EBNA1BP2: variants seen among roughly 807,000 people sequenced by gnomAD.
EBNA1BP2 encodes EBNA1 binding protein 2, also known as probable rRNA-processing protein EBP2.
A neutral mutation model predicts 43.5 loss-of-function variants in EBNA1BP2; 36 were observed. The ratio of observed to expected loss-of-function variants is 0.83; its 90% CI spans 0.63 to 1.09. EBNA1BP2 has a LOEUF of 1.09. Ranked by LOEUF, EBNA1BP2 falls within the 50% of genes least tolerant of loss-of-function variation. EBNA1BP2 has a pLI of 0.00. For synonymous variants in EBNA1BP2, 127 were observed against 141.3 expected (o/e 0.90, Z 0.72); for missense variants, 332 against 379.1 (o/e 0.88, Z 1.03).
intron 7 of EBNA1BP2, 140 bp downstream of exon 7, chr1:43,166,686 G>C (rs1644920455): frequency 5.0e-6 from 4 of 796,262 alleles, no homozygotes; most frequent in Non-Finnish European, 4.0e-6. Context: ...CACAGTCATA[G>C]GGGTCCTGGC....
chr1:43,170,532 C>T (rs180729569), intron 4 of EBNA1BP2, among the ~76,000 whole-genome samples: 1 of 151,500 alleles, frequency 6.6e-6, no homozygotes, highest in African/African-American at 2.4e-5. Context: ...TCACACAGCA[C>T]TGTTCCTCTC....
At chr1:43,165,523 T>C (rs114340870) in intron 7 of EBNA1BP2, among the ~76,000 whole-genome samples, 10 of 152,348 alleles carry the variant, frequency 6.6e-5, no homozygotes, top group Middle Eastern at 3.4e-3. Context: ...AATCCTTATC[T>C]CGACTTTTGC....
intron 4 of EBNA1BP2, among the ~76,000 whole-genome samples, chr1:43,170,086 C>T (rs76642299): frequency 0.011 from 1,689 of 152,258 alleles, 27 homozygotes; most frequent in African/African-American, 0.039. Flanking sequence ...CTTATAATAC[C>T]GAATACAATG....
At chr1:43,166,567 C>T (rs113641918) in intron 7 of EBNA1BP2, among the ~76,000 whole-genome samples, 3,555 of 152,162 alleles carry the variant, frequency 0.023, 100 homozygotes, top group African/African-American at 0.066. Flanking sequence ...AAGACTGTAC[C>T]AGTGCACTGT....
At chr1:43,172,364 G>T (rs367612637), upstream of EBNA1BP2, 3 of 1,551,478 alleles carry the variant, frequency 1.9e-6, no homozygotes, top group Non-Finnish European at 1.7e-6. Context: ...GAACCGCTAC[G>T]GCGTTTGAAA....
Position 43,164,495 on chromosome 1 carries a change from T to G in EBNA1BP2, c.871-2A>C, listed in dbSNP as rs747263444. On this transcript the variant is annotated splice_acceptor_variant, in intron 8 of 8. Transcript: ENST00000236051. LOFTEE classifies it high-confidence loss of function. Reference sequence around the variant, plus strand: ...TCTTGTTCGTTTTCCAGGTCTCTTCTACAGAAAAAGACATACCACATCTGG... The same window carrying G: ...TCTTGTTCGTTTTCCAGGTCTCTTCGACAGAAAAAGACATACCACATCTGG... 2.5e-6 allele frequency: 4 copies of G among 1,614,046 alleles called. No homozygotes were observed. The African/African-American group carries it at 5.3e-5, about 22-fold the overall frequency.
chr1:43,167,328 T>C lies in EBNA1BP2; in HGVS notation c.538-93A>G, dbSNP rs890867450. ...ATAGCAACACCATGATTAATACCAC[T>C]ACCCTCTGACATTTACTACGTGCCA... On this transcript the variant is annotated intron_variant, in intron 5 of 8. Transcript: ENST00000236051. 8 of 1,176,660 alleles carry C rather than the reference T, an allele frequency of 6.8e-6. No homozygotes were observed. In the African/African-American group the frequency reaches 1.1e-4, roughly 15 times the overall value. 72.9% of individuals were successfully genotyped at this position (1,176,660 alleles called of 1,614,324 possible).
intron 2 of EBNA1BP2, 87 bp downstream of exon 2, chr1:43,171,799 C>T: frequency 6.3e-7 from 1 of 1,579,576 alleles, no homozygotes; most frequent in Non-Finnish European, 8.6e-7. Flanking sequence ...GTGCATCTTT[C>T]CTGGGACAAG....
At position 43,171,504 on chromosome 1, in the gene EBNA1BP2, C is replaced by A. The variant is rs765807678; in HGVS notation, c.298G>T (p.Asp100Tyr). The A allele has an allele frequency of 6.2e-7, 1 of 1,610,418 alleles. No individual in the cohort carries two copies. Among genetic ancestry groups the A allele is most frequent in the Non-Finnish European group, 8.5e-7 (1 of 1,178,864 alleles). ...AAACTCATCTCTCGCTGGAAGTCGTCTTCTGGATCAACAGCTTTCTGGTCC... is the reference window on the plus strand; with the variant it reads ...AAACTCATCTCTCGCTGGAAGTCGTATTCTGGATCAACAGCTTTCTGGTCC... The part of the protein sequence containing the change: ...NKDQKAVDPE[D>Y]DFQREMSFYR... The change falls in exon 3 of 9, where the codon GAC becomes TAC. Residue 100 changes from aspartate to tyrosine, a missense_variant. Transcript: ENST00000236051.
rs1644936830 is a variant in EBNA1BP2 at position 43,169,125 on chromosome 1, A to C, written c.448-97T>G. On this transcript the variant is annotated intron_variant, in intron 4 of 8. Transcript: ENST00000236051. ...AGGGAACAGATATTCCCTGTTCTTT[A>C]AACTGCGGAACTTATAAATCATCAG... 4 of 1,268,676 alleles carry C rather than the reference A, an allele frequency of 3.2e-6. No homozygotes were observed. In the South Asian group the frequency reaches 3.6e-5, roughly 11 times the overall value. The allele number at this position is 1,268,676 out of a possible 1,614,324, so 78.6% of individuals were successfully genotyped here.
chr1:43,164,713 T>A lies in EBNA1BP2; in HGVS notation c.800A>T (p.Asp267Val). 2 of 1,614,206 alleles carry A rather than the reference T, an allele frequency of 1.2e-6. No individual in the cohort carries two copies. The highest frequency in any genetic ancestry group is 1.7e-6 in the Non-Finnish European group (2 of 1,180,030). ...TGTCTTGGCCCGGAAGCTAGATACA[T>A]CATCATAGCTCTCCCGAGTGTTCCA... ...SKWNTRESYD[D>V]VSSFRAKTAH... The change falls in exon 8 of 9, where the codon GAT (aspartate) becomes GTT (valine). Residue 267 changes from aspartate to valine, a missense_variant. By Grantham distance (152) the Asp-to-Val change is radical (BLOSUM62 -3). Coordinates refer to ENST00000236051, the MANE Select transcript of EBNA1BP2 (RefSeq NM_006824.3).
chr1:43,172,254 GA>G lies in EBNA1BP2; in HGVS notation c.-137del, dbSNP rs1200907750. On this transcript the variant is annotated 5_prime_UTR_variant, in exon 1 of 9. Transcript: ENST00000236051. ...CCACGCCGTGGCTCCACGTGCCACC[GA>G]ATCGCTCCAGCGCCAGCAACTCACA... 2 of 1,557,624 alleles carry G rather than the reference GA, an allele frequency of 1.3e-6. No homozygotes were observed. The highest frequency in any genetic ancestry group is 1.4e-5 in the African/African-American group (1 of 73,456).
upstream of EBNA1BP2, chr1:43,172,563 G>GGCGGAGGGGAAA: frequency 1.3e-6 from 1 of 769,796 alleles, no homozygotes; most frequent in Non-Finnish European, 2.0e-6. Flanking sequence ...GGAGGACCCC[G>GGCGGAGGGGAAA]GGGGAGGGGA....
rs543725704 is a variant in EBNA1BP2 at position 43,169,867 on chromosome 1, T to C, written c.448-839A>G. The stretch of plus-strand genomic sequence containing the variant: ...GATTGGTGGTGGCGTTAAATTCTCA[T>C]AGGAGTGCGAACTCTACTGTGAACT... On this transcript the variant is annotated intron_variant, in intron 4 of 8. Coordinates refer to ENST00000236051, the MANE Select transcript of EBNA1BP2 (RefSeq NM_006824.3). 3.3e-5 allele frequency among the ~76,000 whole-genome samples: 5 copies of C among 152,252 alleles called. No individual in the cohort carries two copies. The East Asian group carries it at 5.8e-4, about 18-fold the overall frequency.
chr1:43,171,451 C>A, intron 3 of EBNA1BP2, 28 bp downstream of exon 3: 1 of 1,587,630 alleles, frequency 6.3e-7, no homozygotes, highest in South Asian at 1.1e-5. Context: ...GGATCCTCAA[C>A]TTCTCCAACA....
At position 43,172,092 on chromosome 1, in the gene EBNA1BP2, C is replaced by T. The variant is rs141801243; in HGVS notation, c.27G>A (p.Ser9=). The change falls in exon 1 of 9, where the codon TCG becomes TCA. Residue 9 remains serine, a synonymous_variant. Coordinates refer to ENST00000236051, the MANE Select transcript of EBNA1BP2 (RefSeq NM_006824.3). ...CAAGGGATTCATCGGATTCCGACTC[C>T]GAATCCGAGAGCGGGGGAGTGTCCA... The part of the protein sequence containing the change: MDTPPLSD[S]ESESDESLVT... The T allele has an allele frequency of 2.4e-5, 39 of 1,614,050 alleles. No homozygotes were observed. In the African/African-American group the frequency reaches 4.9e-4, roughly 20 times the overall value.
chr1:43,172,074 T>G lies in EBNA1BP2; in HGVS notation c.45A>C (p.Glu15Asp), dbSNP rs1271753555. ...PLSDSESESD[E>D]SLVTDRELQD... is the part of the protein sequence containing the mutation. ...CTACCTCTCTGTCTGTGACAAGGGA[T>G]TCATCGGATTCCGACTCCGAATCCG... The change falls in exon 1 of 9, where the codon GAA becomes GAC. Residue 15 changes from glutamate to aspartate, a missense_variant. Around this residue, in one of 3 missense-constraint regions of EBNA1BP2, gnomAD observed 182 missense variants for 173.7 expected, o/e 1.05. Coordinates refer to ENST00000236051, the MANE Select transcript of EBNA1BP2 (RefSeq NM_006824.3). The G allele has an allele frequency of 6.2e-7, 1 of 1,614,088 alleles. No individual in the cohort carries two copies. Among genetic ancestry groups the G allele is most frequent in the Non-Finnish European group, 8.5e-7 (1 of 1,180,020 alleles).
rs1451183244 is a variant in EBNA1BP2, at chr1:43,171,910, C to A, written c.126G>T (p.Gly42=). 6.2e-7 allele frequency: 1 copy of A among 1,614,148 alleles called. No individual in the cohort carries two copies. Among genetic ancestry groups the A allele is most frequent in the Non-Finnish European group, 8.5e-7 (1 of 1,179,986 alleles). ...CCACGTCGTTCACGGCCTTCTTCGG[C>A]CCCTCTAGCACGACATTGAGGCCTG... ...LKPGLNVVLE[G]PKKAVNDVNG... The change falls in exon 2 of 9, where the codon GGG becomes GGT. Residue 42 remains glycine (G), a synonymous_variant. Coordinates refer to ENST00000236051, the MANE Select transcript of EBNA1BP2 (RefSeq NM_006824.3).
At chr1:43,170,643 T>A in intron 4 of EBNA1BP2, 113 bp downstream of exon 4, 1 of 1,454,428 alleles carries the variant, frequency 6.9e-7, no homozygotes, top group Non-Finnish European at 9.2e-7. Context: ...AGGTAATAAT[T>A]GTCCTCTGAC....
Sources: allele counts gnomAD v4.1 joint callset (sites outside exome capture counted in the v4.1 genomes callset), GRCh38; gene constraint gnomAD v4.1.1; regional missense constraint gnomAD v4.1.1; transcripts MANE v1.5; gene names NCBI Gene and HGNC (gene_info 2026-07-23, HGNC 2026-07-21).